The following FER variants were observed in gnomAD, a reference collection of about 807,000 sequenced individuals.
FER encodes the protein tyrosine-protein kinase Fer.
A neutral mutation model predicts 111.0 loss-of-function variants in FER; 63 were observed. The observed-to-expected ratio is 0.57, with a 90% CI of 0.46 to 0.70. The LOEUF is 0.70. Among genes scored for constraint, FER ranks in the 30% least tolerant of loss-of-function variants. FER has a pLI of 0.00. For missense variants in FER, 914 were observed against 954.0 expected (o/e 0.96, Z 0.55); for synonymous variants, 327 against 313.9 (o/e 1.04, Z -0.44).
intron 13 of FER, among the ~76,000 whole-genome samples, chr5:109,000,488 G>A (rs558348064): frequency 1.4e-3 from 212 of 151,790 alleles, no homozygotes; most frequent in African/African-American, 4.8e-3. Context: ...AGAATCTCTC[G>A]GACACATTCA....
intron 1 of FER, among the ~76,000 whole-genome samples, chr5:108,756,311 A>G (rs1311618254): frequency 1.3e-5 from 2 of 152,094 alleles, no homozygotes; most frequent in Non-Finnish European, 2.9e-5. Flanking sequence ...CTAAGGTTTT[A>G]GAAACTTTGC....
At chr5:109,185,988 T>C (rs1758815354) in intron 18 of FER, among the ~76,000 whole-genome samples, 2 of 152,176 alleles carry the variant, frequency 1.3e-5, no homozygotes, top group Admixed American at 6.5e-5. Context: ...GAAAAGGTAA[T>C]GTGTTATACT....
In FER at chr5:108,937,062, A is replaced by G. The variant is rs184629067; in HGVS notation, c.1237-9068A>G. Among the ~76,000 whole-genome samples the G allele has an allele frequency of 6.4e-4, 98 of 152,168 alleles. 1 individual carries two copies. The highest frequency in any genetic ancestry group is 5.6e-3 in the Admixed American group (85 of 15,262). ...GTGTCATTTGAGGTTTCTTAGCACA[A>G]AACAATAGTTCAAGTAAATATATTC... On this transcript the variant is annotated intron_variant, in intron 10 of 19. Transcript: ENST00000281092.
intron 16 of FER, among the ~76,000 whole-genome samples, chr5:109,089,159 T>G (rs1385736046): frequency 1.3e-5 from 2 of 152,190 alleles, no homozygotes; most frequent in Non-Finnish European, 2.9e-5. Flanking sequence ...GATCTCACTG[T>G]ATGTATGTAT....
chr5:109,099,524 T>C (rs1305037237), intron 16 of FER, among the ~76,000 whole-genome samples: 1 of 151,492 alleles, frequency 6.6e-6, no homozygotes, highest in Non-Finnish European at 1.5e-5. Flanking sequence ...TAAATTGAGA[T>C]GTATCATAAA....
At chr5:108,951,946 T>C (rs899670237) in intron 11 of FER, among the ~76,000 whole-genome samples, 1 of 152,114 alleles carries the variant, frequency 6.6e-6, no homozygotes, top group Non-Finnish European at 1.5e-5. Flanking sequence ...GAAAAAAATA[T>C]TTTCAAGTGC....
intron 16 of FER, among the ~76,000 whole-genome samples, chr5:109,049,982 A>T (rs1447227806): frequency 1.3e-5 from 2 of 152,346 alleles, no homozygotes; most frequent in Non-Finnish European, 2.9e-5. Context: ...GTTCTGAATT[A>T]CTGTGTATTA....
At chr5:108,791,303 C>T (rs113108083) in intron 2 of FER, among the ~76,000 whole-genome samples, 120 of 151,926 alleles carry the variant, frequency 7.9e-4, no homozygotes, top group African/African-American at 2.4e-3. Flanking sequence ...TGCTAAACTA[C>T]ATGTCTGTCT....
At chr5:108,935,221 G>A (rs923057631) in intron 10 of FER, among the ~76,000 whole-genome samples, 8 of 152,196 alleles carry the variant, frequency 5.3e-5, no homozygotes, top group African/African-American at 1.9e-4. Context: ...CAAAGTCAAG[G>A]TTTTGCCAGG....
chr5:108,875,280 C>A (rs1764975894), intron 8 of FER, among the ~76,000 whole-genome samples: 1 of 151,978 alleles, frequency 6.6e-6, no homozygotes, highest in Non-Finnish European at 1.5e-5. Context: ...TGTGCACTTC[C>A]CATCACACAT....
intron 16 of FER, among the ~76,000 whole-genome samples, chr5:109,092,281 T>C (rs1321130313): frequency 2.2e-5 from 1 of 45,096 alleles, no homozygotes. Flanking sequence ...AACCTTATGA[T>C]GGCAAAAAAA....
At chr5:108,845,011 T>TATATATATATATATATATATATATATAC (rs1761783635) in intron 5 of FER, among the ~76,000 whole-genome samples, 1 of 39,422 alleles carries the variant, frequency 2.5e-5, no homozygotes, top group Non-Finnish European at 4.8e-5. Flanking sequence ...TATATATATA[T>TATATATATATATATATATATATATATAC]ATATATATAT....
intron 16 of FER, among the ~76,000 whole-genome samples, chr5:109,070,494 C>T (rs1340361048): frequency 6.6e-6 from 1 of 151,878 alleles, no homozygotes; most frequent in Admixed American, 6.6e-5. Context: ...TAGGTGTTCC[C>T]TGTGACGAGC....
At chr5:108,902,483 G>A (rs763751631) in intron 10 of FER, among the ~76,000 whole-genome samples, 18 of 152,290 alleles carry the variant, frequency 1.2e-4, no homozygotes, top group Non-Finnish European at 2.2e-4. Flanking sequence ...GAAGCCAAAA[G>A]AAACAGTAAT....
chr5:108,894,412 C>T, intron 9 of FER: 1 of 701,236 alleles, frequency 1.4e-6, no homozygotes. Context: ...ACCTCGTCTG[C>T]TGGCAACTGC....
At chr5:108,981,880 A>G (rs192869233) in intron 13 of FER, among the ~76,000 whole-genome samples, 61 of 152,210 alleles carry the variant, frequency 4.0e-4, no homozygotes, top group African/African-American at 1.4e-3. Flanking sequence ...ATCTAAGAGG[A>G]GAGTGCCTGT....
Position 109,187,438 on chromosome 5 carries a change from C to T in FER, c.2332C>T (p.Arg778Trp). ...QAREQVERGY[R>W]MSAPQHCPED... ...TCCTTCTCTTGGGTCTTCAGGATAC[C>T]GGATGTCAGCTCCCCAGCACTGTCC... The change falls in exon 20 of 20, where the codon CGG becomes TGG. Residue 778 changes from arginine to tryptophan, a missense_variant. Arg to Trp is a moderately radical substitution (Grantham distance 101, BLOSUM62 -3). Transcript: ENST00000281092. 2 of 1,612,914 alleles carry T rather than the reference C, an allele frequency of 1.2e-6. No individual in the cohort carries two copies. Among genetic ancestry groups the T allele is most frequent in the Non-Finnish European group, 1.7e-6 (2 of 1,179,596 alleles).
intron 5 of FER, among the ~76,000 whole-genome samples, chr5:108,841,044 C>T (rs1452459896): frequency 6.6e-6 from 1 of 152,120 alleles, no homozygotes; most frequent in Non-Finnish European, 1.5e-5. Context: ...AGGGAAGAAA[C>T]AGAGAACAAT....
chr5:108,968,050 A>G (rs1287671024), intron 13 of FER, among the ~76,000 whole-genome samples: 1 of 152,168 alleles, frequency 6.6e-6, no homozygotes, highest in Non-Finnish European at 1.5e-5. Context: ...AGATATAATC[A>G]GAGAAACAAG....
Sources: gnomAD v4.1 joint callset for allele counts (sites outside exome capture counted in the v4.1 genomes callset) on GRCh38, gnomAD v4.1.1 for gene constraint, MANE v1.5 for transcripts, NCBI Gene and HGNC (gene_info 2026-07-23, HGNC 2026-07-21) for gene names.